ASB4: variants seen among roughly 807,000 people sequenced by gnomAD.
ASB4 encodes the protein ankyrin repeat and SOCS box protein 4.
ASB4 carries 35 observed loss-of-function variants against 38.6 expected under a neutral mutation model. That is an observed-to-expected ratio of 0.91 (90% CI 0.69 to 1.20). ASB4 has a LOEUF of 1.20. Ranked by LOEUF, ASB4 falls within the 50% of genes most tolerant of loss-of-function variation. The probability of loss-of-function intolerance (pLI) is 0.00; values close to 1 mark genes in which losing one functional copy is unlikely to be tolerated. For missense variants in ASB4, 557 were observed against 527.2 expected, an observed-to-expected ratio of 1.06 and a Z score of -0.55; for synonymous variants, 195 against 201.3, an observed-to-expected ratio of 0.97 and a Z score of 0.26.
downstream of ASB4, chr7:95,544,645 T>C (rs1241428412): frequency 2.0e-5 from 3 of 152,208 alleles, no homozygotes; most frequent in East Asian, 5.8e-4. Flanking sequence ...TAATGGTGAT[T>C]AACTACTTGA....
intron 1 of ASB4, among the ~76,000 whole-genome samples, chr7:95,493,813 T>C (rs923551143): frequency 3.3e-5 from 5 of 152,176 alleles, no homozygotes; most frequent in Non-Finnish European, 7.4e-5. Flanking sequence ...TCTCATTCAG[T>C]AATATATCTT....
Position 95,527,934 on chromosome 7 carries a change from C to G in ASB4, c.609C>G (p.Ser203Arg), listed in dbSNP as rs529532225. 6.2e-7 allele frequency: 1 copy of G among 1,614,164 alleles called. No individual in the cohort carries two copies. Among genetic ancestry groups the G allele is most frequent in the Non-Finnish European group, 8.5e-7 (1 of 1,180,038 alleles). Residue 203 changes from serine to arginine, a missense_variant, in exon 3 of 5, where the codon AGC (serine) becomes AGG (arginine). Physicochemically the swap from Ser to Arg is moderately radical, Grantham distance 110. Transcript: ENST00000325885. ...FYVEHGAIVD[S>R]VNAHMETPLA... ...TGGAACACGGGGCCATAGTGGACAG[C>G]GTGAATGCCCACATGGAGACCCCCC... is the stretch of plus-strand genomic sequence containing the variant.
At chr7:95,517,097 C>T (rs1790594033) in intron 2 of ASB4, among the ~76,000 whole-genome samples, 1 of 152,160 alleles carries the variant, frequency 6.6e-6, no homozygotes, top group African/African-American at 2.4e-5. Context: ...GTAGAAATGT[C>T]TGTTTATATA....
chr7:95,473,157 A>C, the ASB4 span, among the ~76,000 whole-genome samples: 3 of 152,216 alleles, frequency 2.0e-5, no homozygotes, highest in Non-Finnish European at 4.4e-5. Flanking sequence ...CAAAGAAGAC[A>C]AAAAGGGAAT....
At chr7:95,471,216 C>T in the ASB4 span, among the ~76,000 whole-genome samples, 6 of 152,154 alleles carry the variant, frequency 3.9e-5, no homozygotes, top group African/African-American at 1.4e-4. Context: ...AAAAGACGCA[C>T]GTCCCCTTCA....
At chr7:95,479,413 T>C (rs1036138731) in intron 1 of ASB4, among the ~76,000 whole-genome samples, 2 of 152,242 alleles carry the variant, frequency 1.3e-5, no homozygotes, top group African/African-American at 4.8e-5. Context: ...GTAATTATTC[T>C]TATGAAATAG....
intron 1 of ASB4, among the ~76,000 whole-genome samples, chr7:95,487,664 G>T (rs1044588131): frequency 6.6e-6 from 1 of 152,166 alleles, no homozygotes; most frequent in Non-Finnish European, 1.5e-5. Flanking sequence ...TGAAGGAAAA[G>T]AAAATACATT....
upstream of ASB4, among the ~76,000 whole-genome samples, chr7:95,483,205 C>T (rs1462052077): frequency 2.0e-5 from 3 of 152,106 alleles, no homozygotes; most frequent in Admixed American, 6.5e-5. Flanking sequence ...ATCTGAGGAC[C>T]CCCTTTTCTT....
intron 2 of ASB4, among the ~76,000 whole-genome samples, chr7:95,509,668 A>G (rs1707290311): frequency 6.6e-6 from 1 of 152,222 alleles, no homozygotes; most frequent in Admixed American, 6.5e-5. Flanking sequence ...TTGGCACTAC[A>G]TATAAAGGAA....
chr7:95,491,175 T>C (rs1288614209), intron 1 of ASB4, among the ~76,000 whole-genome samples: 1 of 152,242 alleles, frequency 6.6e-6, no homozygotes, highest in East Asian at 1.9e-4. Flanking sequence ...TTATGTATCA[T>C]GGTCAAAGCC....
At chr7:95,528,715 G>A (rs1212786202) in intron 3 of ASB4, 31 of 1,053,846 alleles carry the variant, frequency 2.9e-5, no homozygotes, top group South Asian at 8.5e-5. Context: ...AGGGCCACCC[G>A]ATTTTCCAGT....
At chr7:95,528,796 T>C in intron 3 of ASB4, 3 of 660,646 alleles carry the variant, frequency 4.5e-6, no homozygotes, top group Non-Finnish European at 5.6e-6. Context: ...CACACTGTTA[T>C]AAGCATTTTG....
chr7:95,484,722 A>T (rs1790060840), upstream of ASB4, among the ~76,000 whole-genome samples: 1 of 152,106 alleles, frequency 6.6e-6, no homozygotes, highest in African/African-American at 2.4e-5. Flanking sequence ...ATAAAAATGC[A>T]ATTTATTTGC....
chr7:95,544,857 G>A (rs1052960324), downstream of ASB4, among the ~76,000 whole-genome samples: 8 of 151,882 alleles, frequency 5.3e-5, no homozygotes, highest in African/African-American at 1.9e-4. Context: ...ATCACGCCCA[G>A]CTAATTTTTC....
At chr7:95,532,031 G>A (rs1790826037) in intron 3 of ASB4, among the ~76,000 whole-genome samples, 1 of 152,182 alleles carries the variant, frequency 6.6e-6, no homozygotes, top group South Asian at 2.1e-4. Context: ...TCAACAGACT[G>A]TGTAGGAGAG....
chr7:95,498,020 T>A (rs1290115916), intron 2 of ASB4, among the ~76,000 whole-genome samples: 1 of 152,258 alleles, frequency 6.6e-6, no homozygotes, highest in Non-Finnish European at 1.5e-5. Flanking sequence ...GTGGACTTTT[T>A]ATTTCTCTTA....
chr7:95,530,176 G>T (rs1790799760), intron 3 of ASB4, among the ~76,000 whole-genome samples: 1 of 150,808 alleles, frequency 6.6e-6, no homozygotes, highest in African/African-American at 2.4e-5. Flanking sequence ...TAAGGATGTG[G>T]GGGGCTGGGT....
rs567952879 is a variant in ASB4 at position 95,493,934 on chromosome 7, A to T, written c.188-1824A>T. ...TTTAAGCAATCTCCTATCAATTAAC[A>T]TGGAGGTTGTTTAACCATTCGAACA... On this transcript the variant is annotated intron_variant, in intron 1 of 4. Coordinates refer to ENST00000325885, the MANE Select transcript of ASB4 (RefSeq NM_016116.3). Among the ~76,000 whole-genome samples the T allele has an allele frequency of 1.4e-4, 22 of 152,268 alleles. No individual in the cohort carries two copies. The South Asian group carries it at 4.6e-3, about 32-fold the overall frequency.
intron 2 of ASB4, among the ~76,000 whole-genome samples, chr7:95,509,184 C>T (rs757769199): frequency 3.3e-5 from 5 of 151,962 alleles, no homozygotes; most frequent in South Asian, 2.1e-4. Context: ...TAATTATATT[C>T]GGGAAGGAGA....
Sources: allele counts gnomAD v4.1 joint callset (sites outside exome capture counted in the v4.1 genomes callset), GRCh38; gene constraint gnomAD v4.1.1; transcripts MANE v1.5; gene names NCBI Gene and HGNC (gene_info 2026-07-23, HGNC 2026-07-21).